The following SP110 variants were observed in gnomAD, a reference collection of about 807,000 sequenced individuals.
The protein encoded by SP110 is interferon-induced protein 41, 30kD.
Under a neutral mutation model 92.7 loss-of-function variants are expected in SP110, and 62 were observed. That is an observed-to-expected ratio of 0.67 (90% confidence interval 0.55 to 0.83). The LOEUF (loss-of-function observed/expected upper bound fraction) is 0.83. Ranked by LOEUF, SP110 falls within the 40% of genes least tolerant of loss-of-function variation. The pLI is 0.00. For missense variants in SP110, 793 were observed against 863.9 expected (o/e 0.92, Z 1.03); for synonymous variants, 273 against 305.3 (o/e 0.89, Z 1.10).
chr2:230,180,857 G>A (rs554458024), intron 12 of SP110, among the ~76,000 whole-genome samples: 3 of 152,238 alleles, frequency 2.0e-5, no homozygotes, highest in South Asian at 4.2e-4. Context: ...TGCTTTCTAG[G>A]TTCATTTACA....
chr2:230,211,638 C>A lies in SP110; in HGVS notation c.668-85G>T. 1.1e-6 allele frequency: 1 copy of A among 876,984 alleles called. No individual in the cohort carries two copies. The highest frequency in any genetic ancestry group is 1.9e-6 in the Non-Finnish European group (1 of 514,532). 54.3% of individuals were successfully genotyped at this position (876,984 alleles called of 1,614,324 possible). On this transcript the variant is annotated intron_variant, in intron 5 of 18. Coordinates refer to ENST00000258381, the MANE Select transcript of SP110 (RefSeq NM_080424.4). The surrounding 1 kb of genome is among the most constrained non-coding windows in gnomAD (Gnocchi z 4.2). ...GAGAAAAGAGAATGCTCTATTCCAA[C>A]AAGTAAAAATGACGGGGTAACAGCA...
Position 230,212,825 on chromosome 2 carries a change from C to A in SP110, c.519G>T (p.Ser173=), listed in dbSNP as rs114550400. Residue 173 remains serine (S), a synonymous_variant, in exon 4 of 19, where the codon TCG becomes TCT. Transcript: ENST00000258381. ...GCAGGACAGGGTCAGATGGGCTGGG[C>A]GACTCACTCAGGATCTCATCGCTTT... ...SQQSDEILSE[S]PSPSDPVLPL... is the part of the protein sequence containing the mutation. The A allele has an allele frequency of 1.2e-6, 2 of 1,613,998 alleles. No homozygotes were observed. Among genetic ancestry groups the A allele is most frequent in the East Asian group, 4.5e-5 (2 of 44,870 alleles).
intron 18 of SP110, among the ~76,000 whole-genome samples, 182 bp downstream of exon 18, chr2:230,170,439 T>G (rs1462076568): frequency 6.6e-6 from 1 of 151,996 alleles, no homozygotes; most frequent in Non-Finnish European, 1.5e-5. Context: ...TCCTGCTTGC[T>G]GTTCTTTTTG....
Position 230,168,981 on chromosome 2 carries a change from G to A in SP110, c.*143C>T. The A allele has an allele frequency of 1.4e-6, 1 of 719,288 alleles. No individual in the cohort carries two copies. Among genetic ancestry groups the A allele is most frequent in the Non-Finnish European group, 2.5e-6 (1 of 392,500 alleles). The allele number at this position is 719,288 out of a possible 1,614,324, so 44.6% of individuals were successfully genotyped here. ...TAAAAAGAAAGAATAAAGATGGAGGGTGTGATAATCCTATGAAGTGTCTGG... is the reference window on the plus strand; with the variant it reads ...TAAAAAGAAAGAATAAAGATGGAGGATGTGATAATCCTATGAAGTGTCTGG... On this transcript the variant is annotated 3_prime_UTR_variant, in exon 19 of 19. Transcript: ENST00000258381.
intron 10 of SP110, among the ~76,000 whole-genome samples, chr2:230,195,092 C>A (rs1472508831): frequency 1.3e-5 from 2 of 151,156 alleles, no homozygotes; most frequent in Non-Finnish European, 2.9e-5. Context: ...TGGCCATATT[C>A]TTTTCTCCTT....
At chr2:230,197,708 A>G (rs2042943206) in intron 10 of SP110, among the ~76,000 whole-genome samples, 1 of 151,944 alleles carries the variant, frequency 6.6e-6, no homozygotes, top group Non-Finnish European at 1.5e-5. Flanking sequence ...TCCATCTTGA[A>G]TTAATTTTTG....
chr2:230,215,159 A>G, intron 2 of SP110, 41 bp from the exon 3 acceptor site: 1 of 1,481,050 alleles, frequency 6.8e-7, no homozygotes, highest in Non-Finnish European at 9.4e-7. Flanking sequence ...TGACTATAAA[A>G]TTGAATGGGA....
At chr2:230,186,605 G>A (rs150596067) in intron 10 of SP110, among the ~76,000 whole-genome samples, 52 of 152,172 alleles carry the variant, frequency 3.4e-4, no homozygotes, top group Non-Finnish European at 5.0e-4. Flanking sequence ...TGCACTCTTC[G>A]TCTGAGTAGT....
chr2:230,189,544 G>A (rs544586588), intron 10 of SP110, among the ~76,000 whole-genome samples: 83 of 152,240 alleles, frequency 5.5e-4, no homozygotes, highest in Non-Finnish European at 1.1e-3. Flanking sequence ...GTGATCTGAG[G>A]AGATACTTAA....
At chr2:230,205,881 T>C (rs565997242) in intron 8 of SP110, among the ~76,000 whole-genome samples, 52 of 152,262 alleles carry the variant, frequency 3.4e-4, no homozygotes, top group African/African-American at 1.2e-3. Flanking sequence ...GTGAGAGTGA[T>C]TGACAAAGCT....
intron 8 of SP110, among the ~76,000 whole-genome samples, chr2:230,206,988 A>C (rs2043936719): frequency 6.6e-6 from 1 of 152,148 alleles, no homozygotes; most frequent in Non-Finnish European, 1.5e-5. Flanking sequence ...TATATATCAC[A>C]AGGGGTAAAG....
chr2:230,198,658 G>A (rs1173362054), intron 10 of SP110, among the ~76,000 whole-genome samples: 1 of 152,042 alleles, frequency 6.6e-6, no homozygotes, highest in Non-Finnish European at 1.5e-5. Context: ...GCAGTGGCAT[G>A]ATCTTGGCTC....
At chr2:230,218,500 T>TA (rs1311727105) in intron 1 of SP110, among the ~76,000 whole-genome samples, 2 of 152,090 alleles carry the variant, frequency 1.3e-5, no homozygotes, top group African/African-American at 4.8e-5. Context: ...AGTGCAAAGA[T>TA]CAGTGCAAAG....
At chr2:230,216,524 C>T (rs1439227830) in intron 2 of SP110, among the ~76,000 whole-genome samples, 1 of 152,196 alleles carries the variant, frequency 6.6e-6, no homozygotes, top group Non-Finnish European at 1.5e-5. Flanking sequence ...GGCCTCCACA[C>T]CTGAGAGAAT....
At position 230,190,159 on chromosome 2, in the gene SP110, C is replaced by T. The variant is rs536917545; in HGVS notation, c.1130-4016G>A. Among the ~76,000 whole-genome samples, 237 of 152,308 alleles carry T rather than the reference C, an allele frequency of 1.6e-3. 1 individual carries two copies. The highest frequency in any genetic ancestry group is 5.6e-3 in the African/African-American group (232 of 41,574). On this transcript the variant is annotated intron_variant, in intron 10 of 18. Coordinates refer to ENST00000258381, the MANE Select transcript of SP110 (RefSeq NM_080424.4). ...CTTCCACAATGGTTGAACTAATTTA[C>T]ACTCCCACCAACAGTGTAAAAGTAT...
At chr2:230,217,292 G>A (rs571854374) in intron 1 of SP110, among the ~76,000 whole-genome samples, 2 of 151,362 alleles carry the variant, frequency 1.3e-5, no homozygotes, top group South Asian at 4.2e-4. Flanking sequence ...AGGAATGTGG[G>A]AAGCTTCTCT....
At position 230,165,787 on chromosome 2, in the gene SP110, C is replaced by T. The variant is rs189992583; in HGVS notation, c.*3337G>A. 9.8e-4 allele frequency among the ~76,000 whole-genome samples: 148 copies of T among 151,034 alleles called. No individual in the cohort carries two copies. The highest frequency in any genetic ancestry group is 3.2e-3 in the African/African-American group (133 of 41,104). On this transcript the variant is annotated 3_prime_UTR_variant, in exon 19 of 19. Coordinates refer to ENST00000258381, the MANE Select transcript of SP110 (RefSeq NM_080424.4). ...TAAATATTGGAACTAAAAGCCGTTA[C>T]GATGCCTTCCAAAATAGAAGGCAGA...
In SP110 at chr2:230,208,091, A is replaced by G. The variant is rs971207413; in HGVS notation, c.830-32T>C. 22 of 1,217,958 alleles carry G rather than the reference A, an allele frequency of 1.8e-5. No individual in the cohort carries two copies. The Admixed American group carries it at 2.2e-4, about 12-fold the overall frequency. The allele number at this position is 1,217,958 out of a possible 1,614,324, so 75.4% of individuals were successfully genotyped here. A position where few individuals can be genotyped will look rare whatever the true frequency, so the allele number is the denominator to read the frequency against. ...AGAAAGGATAATGTTTTATAGTTACAAACATTGATCTCCCAATCTTGTATG... is the reference window on the plus strand; with the variant it reads ...AGAAAGGATAATGTTTTATAGTTACGAACATTGATCTCCCAATCTTGTATG... On this transcript the variant is annotated intron_variant, in intron 7 of 18. Transcript: ENST00000258381.
Position 230,171,743 on chromosome 2 carries a change from C to G in SP110, c.1840G>C (p.Ala614Pro), listed in dbSNP as rs2078447187. Reference protein sequence around the residue: ...QLKCEFLLLKAYCHPQSSFFT... With the variant: ...QLKCEFLLLKPYCHPQSSFFT... ...AAGGAGCTTTGTGGATGACAGTAGGCCTTCAAGAGGAGGAACTCACATTTC... is the reference window on the plus strand; with the variant it reads ...AAGGAGCTTTGTGGATGACAGTAGGGCTTCAAGAGGAGGAACTCACATTTC... Residue 614 changes from alanine (A) to proline (P), a missense_variant, in exon 17 of 19, where the codon GCC becomes CCC. Transcript: ENST00000258381. 1.9e-6 allele frequency: 3 copies of G among 1,613,306 alleles called. No homozygotes were observed. The highest frequency in any genetic ancestry group is 2.5e-6 in the Non-Finnish European group (3 of 1,179,362).
Sources: allele counts gnomAD v4.1 joint callset (sites outside exome capture counted in the v4.1 genomes callset), GRCh38; gene constraint gnomAD v4.1.1; non-coding constraint Gnocchi (gnomAD v3.1); transcripts MANE v1.5; gene names NCBI Gene and HGNC (gene_info 2026-07-23, HGNC 2026-07-21).